STPG2: variants seen among roughly 807,000 people sequenced by gnomAD.
STPG2 encodes sperm-tail PG-rich repeat-containing protein 2.
Under a neutral mutation model 54.2 loss-of-function variants are expected in STPG2, and 56 were observed. The ratio of observed to expected loss-of-function variants is 1.03; its 90% CI spans 0.83 to 1.29. STPG2 has a LOEUF of 1.29. Among genes scored for constraint, STPG2 ranks in the 50% most tolerant of loss-of-function variants. The probability of loss-of-function intolerance (pLI) is 0.00; values close to 1 mark genes in which losing one functional copy is unlikely to be tolerated. For missense variants in STPG2, 596 were observed against 544.9 expected, an observed-to-expected ratio of 1.09 and a Z score of -0.93; for synonymous variants, 200 against 181.8, an observed-to-expected ratio of 1.10 and a Z score of -0.81.
At chr4:98,029,168 T>G (rs1307145299) in intron 5 of STPG2, among the ~76,000 whole-genome samples, 1 of 152,170 alleles carries the variant, frequency 6.6e-6, no homozygotes, top group Non-Finnish European at 1.5e-5. Context: ...TTTAAACATA[T>G]TGGGTGGCAT....
intron 5 of STPG2, among the ~76,000 whole-genome samples, chr4:98,019,195 A>C (rs1274973576): frequency 1.3e-5 from 2 of 152,140 alleles, no homozygotes; most frequent in Non-Finnish European, 2.9e-5. Context: ...TAATTTTTGT[A>C]TAAGGTGTAA....
chr4:97,900,557 T>C (rs1354229372), intron 8 of STPG2, among the ~76,000 whole-genome samples: 1 of 151,810 alleles, frequency 6.6e-6, no homozygotes, highest in African/African-American at 2.4e-5. Flanking sequence ...ATAAAGAAAA[T>C]GTGGTGTATA....
intron 8 of STPG2, among the ~76,000 whole-genome samples, chr4:97,893,925 G>A (rs183195534): frequency 1.3e-5 from 2 of 152,046 alleles, no homozygotes; most frequent in South Asian, 4.1e-4. Context: ...ATGGACCCTA[G>A]TATCAGGAAC....
chr4:97,676,149 C>A (rs113266205), intron 10 of STPG2, among the ~76,000 whole-genome samples: 1,952 of 149,364 alleles, frequency 0.013, 38 homozygotes, highest in African/African-American at 0.046. Context: ...GCTCTACTGG[C>A]ACACATAGTT....
At chr4:97,615,725 A>G (rs1282716379) in intron 10 of STPG2, among the ~76,000 whole-genome samples, 1 of 151,982 alleles carries the variant, frequency 6.6e-6, no homozygotes, top group East Asian at 1.9e-4. Context: ...TCATTATACA[A>G]TGAAAAGCTG....
intron 8 of STPG2, among the ~76,000 whole-genome samples, chr4:97,892,581 T>A (rs1205152080): frequency 1.3e-5 from 2 of 152,188 alleles, no homozygotes; most frequent in South Asian, 2.1e-4. Flanking sequence ...AGGTCCCACA[T>A]GCACAGCTAA....
chr4:97,632,830 A>G (rs1721336067), intron 10 of STPG2, among the ~76,000 whole-genome samples: 1 of 152,174 alleles, frequency 6.6e-6, no homozygotes, highest in African/African-American at 2.4e-5. Flanking sequence ...AAGGTAAGTA[A>G]GCTTATATCC....
chr4:98,141,971 A>G (rs1400671377), intron 1 of STPG2, among the ~76,000 whole-genome samples: 1 of 147,722 alleles, frequency 6.8e-6, no homozygotes, highest in Non-Finnish European at 1.5e-5. Context: ...AACAGGAGGA[A>G]ATGATGTTAC....
intron 4 of STPG2, among the ~76,000 whole-genome samples, chr4:97,446,282 T>G (rs1240211382): frequency 6.6e-6 from 1 of 152,228 alleles, no homozygotes; most frequent in Non-Finnish European, 1.5e-5. Flanking sequence ...GTAAGGATCA[T>G]GTACTGGCTA....
chr4:97,506,019 C>CAAAAAAAAAAAAAAAA (rs59206485), intron 4 of STPG2, among the ~76,000 whole-genome samples: 1 of 16,932 alleles, frequency 5.9e-5, no homozygotes, highest in Non-Finnish European at 1.2e-4. Context: ...AATAGGAGAC[C>CAAAAAAAAAAAAAAAA]AAAAAAAAAA....
At chr4:97,636,617 A>G (rs994961170) in intron 10 of STPG2, among the ~76,000 whole-genome samples, 2 of 151,258 alleles carry the variant, frequency 1.3e-5, no homozygotes, top group Non-Finnish European at 3.0e-5. Context: ...AGAAAAAAAG[A>G]GAGAAGAATC....
intron 5 of STPG2, among the ~76,000 whole-genome samples, chr4:98,054,839 A>T (rs1051248587): frequency 3.3e-5 from 5 of 152,164 alleles, no homozygotes; most frequent in Non-Finnish European, 7.3e-5. Flanking sequence ...ATTTAATAAA[A>T]TTTTTTATTA....
Position 97,840,829 on chromosome 4 carries a change from T to C in STPG2, c.1148A>G (p.His383Arg). 6.2e-7 allele frequency: 1 copy of C among 1,612,250 alleles called. No homozygotes were observed. Among genetic ancestry groups the C allele is most frequent in the Non-Finnish European group, 8.5e-7 (1 of 1,178,680 alleles). Reference protein sequence around the residue: ...PPRSLVAKRKHASFLSATPRC... With the variant: ...PPRSLVAKRKRASFLSATPRC... Reference sequence around the variant, plus strand: ...AGGAGTTGCACTAAGAAAAGAGGCATGTTTTCTTTTAGCCACTAAACTACG... The same window carrying C: ...AGGAGTTGCACTAAGAAAAGAGGCACGTTTTCTTTTAGCCACTAAACTACG... Residue 383 changes from histidine to arginine, a missense_variant, in exon 9 of 11, where the codon CAT becomes CGT. By Grantham distance (29) the His-to-Arg change is conservative (BLOSUM62 0). Coordinates refer to ENST00000295268, the MANE Select transcript of STPG2 (RefSeq NM_174952.3).
At chr4:97,848,656 C>T (rs564947813) in intron 8 of STPG2, among the ~76,000 whole-genome samples, 176 of 152,106 alleles carry the variant, frequency 1.2e-3, no homozygotes, top group African/African-American at 4.0e-3. Flanking sequence ...ATCTTTAATC[C>T]ATCGTGAATT....
chr4:98,121,198 T>C (rs532189887), intron 3 of STPG2, among the ~76,000 whole-genome samples: 4 of 152,156 alleles, frequency 2.6e-5, no homozygotes, highest in South Asian at 2.1e-4. Context: ...TTGTTGAAGA[T>C]CAGATATGCA....
intron 8 of STPG2, among the ~76,000 whole-genome samples, chr4:97,861,961 C>T (rs558074555): frequency 8.4e-4 from 128 of 152,034 alleles, no homozygotes; most frequent in African/African-American, 2.9e-3. Flanking sequence ...CCAGCCACTG[C>T]AAAAACATGC....
At chr4:97,542,519 G>T (rs1578375895) in intron 4 of STPG2, among the ~76,000 whole-genome samples, 1 of 152,308 alleles carries the variant, frequency 6.6e-6, no homozygotes, top group East Asian at 1.9e-4. Flanking sequence ...TACACTGTTG[G>T]TGGGACTGTA....
At chr4:97,818,255 C>T (rs897778630) in intron 9 of STPG2, among the ~76,000 whole-genome samples, 1 of 151,864 alleles carries the variant, frequency 6.6e-6, no homozygotes, top group South Asian at 2.1e-4. Context: ...CACGGGGACA[C>T]GTTCCAAGAA....
At chr4:97,465,622 T>C (rs1489670133) in intron 4 of STPG2, among the ~76,000 whole-genome samples, 15 of 152,098 alleles carry the variant, frequency 9.9e-5, no homozygotes, top group African/African-American at 2.4e-5. Flanking sequence ...ACCAAAATCC[T>C]TAGATGTTCA....
Sources: gnomAD v4.1 joint callset for allele counts (sites outside exome capture counted in the v4.1 genomes callset) on GRCh38, gnomAD v4.1.1 for gene constraint, MANE v1.5 for transcripts, NCBI Gene and HGNC (gene_info 2026-07-23, HGNC 2026-07-21) for gene names.